The following RIPOR2 variants were observed in gnomAD, a reference collection of about 807,000 sequenced individuals.
RIPOR2 encodes rho family-interacting cell polarization regulator 2.
RIPOR2 carries 39 observed loss-of-function variants against 114.5 expected under a neutral mutation model. The ratio of observed to expected loss-of-function variants is 0.34; its 90% confidence interval spans 0.26 to 0.44. RIPOR2 has a LOEUF of 0.44. Ranked by LOEUF, RIPOR2 falls within the 20% of genes least tolerant of loss-of-function variation. RIPOR2 has a pLI of 1.00. For synonymous variants in RIPOR2, 445 were observed against 484.4 expected (o/e 0.92, Z 1.07); for missense variants, 1,007 against 1,255.1 (o/e 0.80, Z 2.99).
chr6:24,821,622 C>T (rs1241774416), intron 19 of RIPOR2, among the ~76,000 whole-genome samples: 1 of 152,214 alleles, frequency 6.6e-6, no homozygotes, highest in Non-Finnish European at 1.5e-5. Context: ...TGGGCTTTGG[C>T]TTTTGAAAAC....
At chr6:24,937,599 G>C (rs1291587856), upstream of RIPOR2, among the ~76,000 whole-genome samples, 1 of 152,164 alleles carries the variant, frequency 6.6e-6, no homozygotes, top group Admixed American at 6.5e-5. Flanking sequence ...TTTGGATGTG[G>C]ACTAAAGCTC....
chr6:24,916,908 C>G (rs1013627780), intron 1 of RIPOR2, among the ~76,000 whole-genome samples: 6 of 152,182 alleles, frequency 3.9e-5, no homozygotes, highest in African/African-American at 1.4e-4. Flanking sequence ...TCTCCACCCC[C>G]ACTTCTAGCT....
At chr6:24,936,575 T>A (rs916382916), upstream of RIPOR2, among the ~76,000 whole-genome samples, 4 of 152,208 alleles carry the variant, frequency 2.6e-5, no homozygotes, top group Non-Finnish European at 4.4e-5. Context: ...TGGTCAAACA[T>A]CTTGCATTTC....
At chr6:24,848,854 T>C (rs987073832) in intron 11 of RIPOR2, among the ~76,000 whole-genome samples, 4 of 152,238 alleles carry the variant, frequency 2.6e-5, no homozygotes, top group African/African-American at 9.6e-5. Context: ...ACATGTCATA[T>C]TTACTTGGCA....
At chr6:24,931,402 G>A (rs1051333508) in intron 1 of RIPOR2, among the ~76,000 whole-genome samples, 3 of 152,178 alleles carry the variant, frequency 2.0e-5, no homozygotes, top group African/African-American at 7.2e-5. Flanking sequence ...AAAGGAGAGA[G>A]GCTTGGTTCA....
chr6:24,998,927 A>G (rs1440443388), intron 1 of RIPOR2, among the ~76,000 whole-genome samples: 3 of 151,980 alleles, frequency 2.0e-5, no homozygotes, highest in Admixed American at 1.3e-4. Context: ...CACAAACTAT[A>G]GGAACATTTT....
intron 1 of RIPOR2, among the ~76,000 whole-genome samples, chr6:24,886,140 C>A (rs1766813978): frequency 2.6e-5 from 4 of 152,120 alleles, no homozygotes; most frequent in Admixed American, 1.3e-4. Flanking sequence ...AATACACACA[C>A]ACACACACAT....
At chr6:24,958,462 A>AT (rs1773145872) in intron 1 of RIPOR2, among the ~76,000 whole-genome samples, 1 of 152,166 alleles carries the variant, frequency 6.6e-6, no homozygotes, top group Non-Finnish European at 1.5e-5. Context: ...TCTTCAACAC[A>AT]TTTTTTACTT....
chr6:24,963,332 C>T (rs1178798585), intron 1 of RIPOR2, among the ~76,000 whole-genome samples: 4 of 152,134 alleles, frequency 2.6e-5, no homozygotes, highest in South Asian at 2.1e-4. Context: ...CATGCCTGGT[C>T]GCATGTGTTT....
intron 1 of RIPOR2, chr6:24,911,134 G>A (rs1005782076): frequency 5.2e-6 from 1 of 193,514 alleles, no homozygotes; most frequent in Non-Finnish European, 9.5e-6. Context: ...CCGTGAGGAG[G>A]GGGAGGCGCG....
chr6:24,809,744 C>T lies in RIPOR2; in HGVS notation c.3016G>A (p.Val1006Met). Residue 1006 changes from valine (V) to methionine (M), a missense_variant, in exon 21 of 22, where the codon GTG becomes ATG. Transcript: ENST00000643898. ...CQSDTEEIRN[V>M]ASETLLSLGE... is the part of the protein sequence containing the mutation. ...AGAGACAAGAGGGTTTCTGAGGCCA[C>T]ATTTCTGATTTCTTCAGTATCAGAT... is the stretch of plus-strand genomic sequence containing the variant. 3 of 1,550,662 alleles carry T rather than the reference C, an allele frequency of 1.9e-6. No homozygotes were observed. Among genetic ancestry groups the T allele is most frequent in the Middle Eastern group, 3.3e-4 (2 of 5,992 alleles).
rs184756979 is a variant in RIPOR2 at position 24,883,566 on chromosome 6, C to T, written c.62-7749G>A. ...GCACAAATGTATAAATTTACTAAAA[C>T]TCAAACTGTCCACTTAAGATGAGTA... On this transcript the variant is annotated intron_variant, in intron 1 of 21. Transcript: ENST00000643898. This position sits in a 1 kb window ranked among gnomAD's most constrained non-coding sequence, Gnocchi z 4.1. 6.6e-5 allele frequency among the ~76,000 whole-genome samples: 10 copies of T among 152,264 alleles called. No homozygotes were observed. Among genetic ancestry groups the T allele is most frequent in the African/African-American group, 2.2e-4 (9 of 41,552 alleles).
At chr6:24,910,802 G>C (rs572969593) in intron 1 of RIPOR2, 12 of 985,432 alleles carry the variant, frequency 1.2e-5, no homozygotes, top group Non-Finnish European at 1.4e-5. Flanking sequence ...AAGGAGAAAT[G>C]AAAAGGTGAA....
intron 1 of RIPOR2, chr6:24,877,071 A>G (rs1057073814): frequency 1.0e-6 from 1 of 985,440 alleles, no homozygotes; most frequent in Non-Finnish European, 1.2e-6. Context: ...GTATGTTTGC[A>G]GAGTGTCGAC....
intron 9 of RIPOR2, among the ~76,000 whole-genome samples, chr6:24,852,073 A>G: frequency 6.6e-6 from 1 of 152,042 alleles, no homozygotes; most frequent in South Asian, 2.1e-4. Context: ...CAGCCTGGCC[A>G]ACATGGTGAA....
chr6:24,849,504 A>C (rs1329448289), intron 11 of RIPOR2, among the ~76,000 whole-genome samples: 1 of 152,176 alleles, frequency 6.6e-6, no homozygotes, highest in Non-Finnish European at 1.5e-5. Context: ...TATATATTTA[A>C]AGGTAGAGAG....
chr6:24,964,688 G>A (rs1263065120), intron 1 of RIPOR2, among the ~76,000 whole-genome samples: 4 of 152,180 alleles, frequency 2.6e-5, no homozygotes, highest in Non-Finnish European at 2.9e-5. Flanking sequence ...GTAAGTGAAT[G>A]CTTACTTTTT....
At chr6:24,872,669 A>G (rs1475900457) in intron 4 of RIPOR2, among the ~76,000 whole-genome samples, 1 of 152,242 alleles carries the variant, frequency 6.6e-6, no homozygotes, top group East Asian at 1.9e-4. Context: ...TCTCATAAAC[A>G]TGCTTGGAAA....
intron 1 of RIPOR2, among the ~76,000 whole-genome samples, chr6:25,012,220 A>G (rs1234608713): frequency 6.6e-6 from 1 of 152,218 alleles, no homozygotes; most frequent in Non-Finnish European, 1.5e-5. Context: ...GATAGATAAT[A>G]TAATAACATA....
Sources: gnomAD v4.1 joint callset for allele counts (sites outside exome capture counted in the v4.1 genomes callset) on GRCh38, gnomAD v4.1.1 for gene constraint, Gnocchi (gnomAD v3.1) non-coding constraint, MANE v1.5 for transcripts, NCBI Gene and HGNC (gene_info 2026-07-23, HGNC 2026-07-21) for gene names.